Variants in PCDHGB5 observed in about 807,000 individuals in gnomAD.
PCDHGB5 encodes protocadherin gamma-B5.
In PCDHGB5, 48 loss-of-function variants were observed where a neutral mutation model predicts 62.9. That is an observed-to-expected ratio of 0.76 (90% CI 0.61 to 0.97). The LOEUF (loss-of-function observed/expected upper bound fraction) is 0.97. PCDHGB5 is among the 50% of genes least tolerant of loss of function. PCDHGB5 has a pLI of 0.00. For missense variants in PCDHGB5, 1,118 were observed against 1,198.6 expected, an observed-to-expected ratio of 0.93 and a Z score of 0.99; for synonymous variants, 474 against 511.2, an observed-to-expected ratio of 0.93 and a Z score of 0.98.
Position 141,431,826 on chromosome 5 carries a change from TTCCCGAAAACTC to T in PCDHGB5, c.2397+31307_2397+31318del, listed in dbSNP as rs755346532. ...GTCCTCACCTCTCTCGCCAGCTCGGTTCCCGAAAACTCTCCCAGAGGGACATTAATTGCCCTT... is the reference window on the plus strand; with the variant it reads ...GTCCTCACCTCTCTCGCCAGCTCGGTTCCCAGAGGGACATTAATTGCCCTT... On this transcript the variant is annotated intron_variant, in intron 1 of 3. Transcript: ENST00000617380. The surrounding 1 kb of genome is among the most constrained non-coding windows in gnomAD (Gnocchi z 4.8). The T allele has an allele frequency of 4.3e-6, 7 of 1,614,102 alleles. No individual in the cohort carries two copies. Among genetic ancestry groups the T allele is most frequent in the Admixed American group, 1.7e-5 (1 of 60,006 alleles).
Position 141,490,672 on chromosome 5 carries a change from G to A in PCDHGB5, c.2398-4135G>A. ...GGGCTCCCTTCTTTGCACTGTGGCT[G>A]CCTCAGATCCAGACACTGGGGATAA... is the stretch of plus-strand genomic sequence containing the variant. On this transcript the variant is annotated intron_variant, in intron 1 of 3. Transcript: ENST00000617380. This position sits in a 1 kb window ranked among gnomAD's most constrained non-coding sequence, Gnocchi z 5.4. 1.2e-6 allele frequency: 2 copies of A among 1,614,114 alleles called. No homozygotes were observed. Among genetic ancestry groups the A allele is most frequent in the Non-Finnish European group, 1.7e-6 (2 of 1,179,996 alleles).
At chr5:141,492,727 G>A (rs2099743408) in intron 1 of PCDHGB5, among the ~76,000 whole-genome samples, 1 of 152,274 alleles carries the variant, frequency 6.6e-6, no homozygotes, top group South Asian at 2.1e-4. Flanking sequence ...GACAGGCAGA[G>A]CTGCCCAGTG....
intron 1 of PCDHGB5, among the ~76,000 whole-genome samples, chr5:141,481,426 A>G (rs1431602618): frequency 6.6e-6 from 1 of 152,238 alleles, no homozygotes; most frequent in Non-Finnish European, 1.5e-5. Flanking sequence ...TGTGATGATG[A>G]TTGTATCAGT....
intron 1 of PCDHGB5, among the ~76,000 whole-genome samples, chr5:141,459,759 G>A (rs1164466104): frequency 7.2e-5 from 11 of 152,206 alleles, no homozygotes; most frequent in Non-Finnish European, 2.9e-5. Context: ...TCTAGTGGGT[G>A]TGTGATACTA....
chr5:141,447,681 C>T (rs2098548531), intron 1 of PCDHGB5, among the ~76,000 whole-genome samples: 1 of 152,066 alleles, frequency 6.6e-6, no homozygotes, highest in African/African-American at 2.4e-5. Flanking sequence ...TGTTCCATAT[C>T]TTGATAGAGG....
At chr5:141,460,411 T>TG (rs2098988114) in intron 1 of PCDHGB5, among the ~76,000 whole-genome samples, 1 of 152,212 alleles carries the variant, frequency 6.6e-6, no homozygotes, top group Non-Finnish European at 1.5e-5. Context: ...TTTGAGTTGA[T>TG]GTTTATGTAT....
At position 141,469,305 on chromosome 5, in the gene PCDHGB5, G is replaced by A. The variant is rs990437808; in HGVS notation, c.2398-25502G>A. Among the ~76,000 whole-genome samples the A allele has an allele frequency of 3.9e-5, 6 of 152,192 alleles. No homozygotes were observed. The South Asian group carries it at 6.2e-4, about 16-fold the overall frequency. On this transcript the variant is annotated intron_variant, in intron 1 of 3. Transcript: ENST00000617380. ...AAATAAAACAAAATAGACTGGGCACGATGGCTCACGCCTGTAATCCCACCA... is the reference window on the plus strand; with the variant it reads ...AAATAAAACAAAATAGACTGGGCACAATGGCTCACGCCTGTAATCCCACCA...
At position 141,400,148 on chromosome 5, in the gene PCDHGB5, G is replaced by A. The variant is rs377393833; in HGVS notation, c.2021G>A (p.Arg674His). The A allele has an allele frequency of 2.5e-6, 4 of 1,614,056 alleles. No individual in the cohort carries two copies. The highest frequency in any genetic ancestry group is 2.7e-5 in the African/African-American group (2 of 75,066). The change falls in exon 1 of 4, where the codon CGC (arginine) becomes CAC (histidine). Residue 674 changes from arginine to histidine, a missense_variant. This residue lies in a region of PCDHGB5 where 1,034 missense variants were observed against 1,029.1 expected (regional missense o/e 1.00). Transcript: ENST00000617380. Reference protein sequence around the residue: ...LQEVLPDITDRPVPSDPQAEL... With the variant: ...LQEVLPDITDHPVPSDPQAEL... ...GAGGTGCTGCCGGATATCACTGACC[G>A]CCCTGTACCCTCTGACCCCCAGGCT...
chr5:141,470,358 A>G (rs1263824284), intron 1 of PCDHGB5, among the ~76,000 whole-genome samples: 2 of 152,174 alleles, frequency 1.3e-5, no homozygotes, highest in African/African-American at 4.8e-5. Context: ...AAATAGACAC[A>G]TTAGGTTGAA....
intron 1 of PCDHGB5, among the ~76,000 whole-genome samples, chr5:141,457,046 T>A (rs2098905373): frequency 6.6e-6 from 1 of 152,198 alleles, no homozygotes; most frequent in South Asian, 2.1e-4. Flanking sequence ...ATAGTAAAAC[T>A]TTCATGCTTC....
intron 1 of PCDHGB5, chr5:141,433,042 G>A (rs752612411): frequency 6.2e-6 from 10 of 1,614,142 alleles, no homozygotes; most frequent in Non-Finnish European, 7.6e-6. Flanking sequence ...CCCTCACCAC[G>A]GACTCGCGGA....
chr5:141,498,284 G>A (rs1339639509), intron 2 of PCDHGB5, among the ~76,000 whole-genome samples: 1 of 152,004 alleles, frequency 6.6e-6, no homozygotes, highest in Non-Finnish European at 1.5e-5. Flanking sequence ...CTTGGTTCAA[G>A]ATCAAGCCAG....
rs752341952 is a variant in PCDHGB5 at position 141,431,380 on chromosome 5, T to C, written c.2397+30856T>C. 10 of 1,613,902 alleles carry C rather than the reference T, an allele frequency of 6.2e-6. No homozygotes were observed. The highest frequency in any genetic ancestry group is 8.5e-6 in the Non-Finnish European group (10 of 1,180,024). ...CCCTGGACCGCGAAGAAAAGGCTGCTCACCACCTGGTCCTTACGGCCTCCG... is the reference window on the plus strand; with the variant it reads ...CCCTGGACCGCGAAGAAAAGGCTGCCCACCACCTGGTCCTTACGGCCTCCG... On this transcript the variant is annotated intron_variant, in intron 1 of 3. Transcript: ENST00000617380. The surrounding 1 kb of genome is among the most constrained non-coding windows in gnomAD (Gnocchi z 4.8).
rs1454578078 is a variant in PCDHGB5, at chr5:141,399,180, G to A, written c.1053G>A (p.Met351Ile). 6.2e-7 allele frequency: 1 copy of A among 1,613,916 alleles called. No individual in the cohort carries two copies. The highest frequency in any genetic ancestry group is 8.5e-7 in the Non-Finnish European group (1 of 1,179,842). Residue 351 changes from methionine (M) to isoleucine (I), a missense_variant, in exon 1 of 4, where the codon ATG becomes ATA. Met to Ile is a conservative substitution (Grantham distance 10). Coordinates refer to ENST00000617380, the MANE Select transcript of PCDHGB5 (RefSeq NM_018925.3). ...PEVTFHSLLE[M>I]ILENAVPGTL... ...TTACATTCCATTCTCTACTTGAAAT[G>A]ATTCTGGAAAACGCGGTGCCTGGAA...
chr5:141,428,324 T>C, intron 1 of PCDHGB5: 1 of 642,806 alleles, frequency 1.6e-6, no homozygotes, highest in Non-Finnish European at 2.8e-6. Flanking sequence ...TTGGCCTTGA[T>C]TTCTATGCTC....
In PCDHGB5 at chr5:141,510,834, G is replaced by A. The variant is rs1043468083; in HGVS notation, c.2546-113G>A. 49 of 1,581,762 alleles carry A rather than the reference G, an allele frequency of 3.1e-5. 1 individual carries two copies. The highest frequency in any genetic ancestry group is 4.0e-5 in the Non-Finnish European group (46 of 1,161,670). On this transcript the variant is annotated intron_variant, in intron 3 of 3. Coordinates refer to ENST00000617380, the MANE Select transcript of PCDHGB5 (RefSeq NM_018925.3). ...GACCCCTATATTCCCAGTGCTCAGC[G>A]TGGTCAAGGCCCAGGGTGCTGTATA...
At chr5:141,450,817 A>T (rs1302552522) in intron 1 of PCDHGB5, among the ~76,000 whole-genome samples, 1 of 137,468 alleles carries the variant, frequency 7.3e-6, no homozygotes, top group Non-Finnish European at 1.5e-5. Context: ...TTTATTTAAT[A>T]TTATTATTAT....
chr5:141,420,905 T>TA (rs545324172), intron 1 of PCDHGB5: 3 of 299,970 alleles, frequency 1.0e-5, no homozygotes, highest in Non-Finnish European at 1.9e-5. Flanking sequence ...GCTCTACAAA[T>TA]ACGTGTGATT....
chr5:141,413,541 G>A, intron 1 of PCDHGB5: 1 of 1,613,904 alleles, frequency 6.2e-7, no homozygotes, highest in Non-Finnish European at 8.5e-7. Flanking sequence ...AACTTTTTGG[G>A]ATAGAAATAG....
Sources: allele counts gnomAD v4.1 joint callset (sites outside exome capture counted in the v4.1 genomes callset), GRCh38; gene constraint gnomAD v4.1.1; regional missense constraint gnomAD v4.1.1; non-coding constraint Gnocchi (gnomAD v3.1); transcripts MANE v1.5; gene names NCBI Gene and HGNC (gene_info 2026-07-23, HGNC 2026-07-21).